CNTNAP2: variants seen among roughly 807,000 people sequenced by gnomAD.
CNTNAP2 encodes the protein contactin associated protein 2, also known as contactin-associated protein-like 2.
Under a neutral mutation model 155.2 loss-of-function variants are expected in CNTNAP2, and 98 were observed. The ratio of observed to expected loss-of-function variants is 0.63; its 90% CI spans 0.54 to 0.75. The LOEUF is 0.75. CNTNAP2 is among the 30% of genes least tolerant of loss of function. The pLI, the probability that CNTNAP2 is intolerant of heterozygous loss-of-function variation, is 0.00. For synonymous variants in CNTNAP2, 651 were observed against 631.2 expected (o/e 1.03, Z -0.47); for missense variants, 1,727 against 1,688.1 (o/e 1.02, Z -0.40).
intron 1 of CNTNAP2, among the ~76,000 whole-genome samples, chr7:146,189,122 A>C (rs1422050154): frequency 6.6e-6 from 1 of 152,202 alleles, no homozygotes; most frequent in Non-Finnish European, 1.5e-5. Context: ...TCAAAGAATG[A>C]GAAATGCTTC....
chr7:147,099,296 G>A (rs926117787), intron 4 of CNTNAP2, among the ~76,000 whole-genome samples: 3 of 152,150 alleles, frequency 2.0e-5, no homozygotes, highest in African/African-American at 7.2e-5. Context: ...TATTTGGAAA[G>A]TGTGCTTACC....
At chr7:146,286,369 T>C (rs1256753753) in intron 1 of CNTNAP2, among the ~76,000 whole-genome samples, 1 of 152,058 alleles carries the variant, frequency 6.6e-6, no homozygotes, top group Non-Finnish European at 1.5e-5. Flanking sequence ...AGTCCAATTG[T>C]TGGTGACCGT....
intron 3 of CNTNAP2, among the ~76,000 whole-genome samples, chr7:146,878,447 G>GTT (rs111411298): frequency 0.011 from 1,561 of 144,884 alleles, 27 homozygotes; most frequent in African/African-American, 0.037. Flanking sequence ...GTACTCTTGA[G>GTT]TTTTTTTTTT....
At chr7:146,983,586 T>A (rs1242772074) in intron 3 of CNTNAP2, among the ~76,000 whole-genome samples, 2 of 152,184 alleles carry the variant, frequency 1.3e-5, no homozygotes, top group Admixed American at 6.5e-5. Flanking sequence ...CATATTACAT[T>A]TGAATCTTCT....
At chr7:146,782,956 T>C (rs1270832810) in intron 2 of CNTNAP2, among the ~76,000 whole-genome samples, 1 of 152,176 alleles carries the variant, frequency 6.6e-6, no homozygotes, top group Non-Finnish European at 1.5e-5. Flanking sequence ...TATGTGTGTT[T>C]TCCCCCATTA....
At chr7:147,877,176 G>C (rs941587874) in intron 13 of CNTNAP2, among the ~76,000 whole-genome samples, 1 of 152,196 alleles carries the variant, frequency 6.6e-6, no homozygotes. Context: ...GAGTGAACCT[G>C]TTTGATTATT....
At chr7:146,608,063 A>G (rs1031476961) in intron 1 of CNTNAP2, among the ~76,000 whole-genome samples, 2 of 152,340 alleles carry the variant, frequency 1.3e-5, no homozygotes, top group Non-Finnish European at 1.5e-5. Context: ...TTTAAGCATT[A>G]TTAATATTTG....
At chr7:146,874,864 G>A (rs918749730) in intron 3 of CNTNAP2, among the ~76,000 whole-genome samples, 6 of 152,092 alleles carry the variant, frequency 3.9e-5, no homozygotes, top group African/African-American at 1.4e-4. Flanking sequence ...TTCCCAATTA[G>A]CGCTTTTGTT....
In CNTNAP2 at chr7:148,415,771, G is replaced by A. The variant is rs568799330; in HGVS notation, c.*155G>A. The A allele has an allele frequency of 1.1e-5, 8 of 759,798 alleles. No homozygotes were observed. The African/African-American group carries it at 1.1e-4, about 10-fold the overall frequency. The allele number at this position is 759,798 out of a possible 1,614,324, so 47.1% of individuals were successfully genotyped here. A position where few individuals can be genotyped will look rare whatever the true frequency, so the allele number is the denominator to read the frequency against. On this transcript the variant is annotated 3_prime_UTR_variant, in exon 24 of 24. Coordinates refer to ENST00000361727, the MANE Select transcript of CNTNAP2 (RefSeq NM_014141.6). ...ATGGAATATAATGGAATATTCTTGA[G>A]ACTGATCACAAAAAAAAAAACCTTT...
intron 6 of CNTNAP2, among the ~76,000 whole-genome samples, chr7:147,128,243 C>T (rs749500372): frequency 3.3e-5 from 5 of 152,042 alleles, no homozygotes; most frequent in Non-Finnish European, 5.9e-5. Context: ...AGGGTAAATA[C>T]GATATCCCTT....
chr7:147,687,429 G>T (rs568565177), intron 13 of CNTNAP2, among the ~76,000 whole-genome samples: 113 of 152,156 alleles, frequency 7.4e-4, no homozygotes, highest in Non-Finnish European at 1.5e-3. Context: ...TTTTCTTAAT[G>T]AAGTAAGAAG....
intron 18 of CNTNAP2, among the ~76,000 whole-genome samples, chr7:148,192,813 C>T (rs1795221629): frequency 6.6e-6 from 1 of 152,178 alleles, no homozygotes; most frequent in Non-Finnish European, 1.5e-5. Flanking sequence ...TCAGTTTCTT[C>T]ATCCTATTGC....
chr7:148,038,870 G>GGATA (rs199573267), intron 15 of CNTNAP2, among the ~76,000 whole-genome samples: 8 of 112,740 alleles, frequency 7.1e-5, no homozygotes, highest in East Asian at 2.5e-4. Context: ...ATGGATGGAT[G>GGATA]GATAGATAGA....
chr7:147,333,631 A>G (rs1186920196), intron 9 of CNTNAP2, among the ~76,000 whole-genome samples: 3 of 152,174 alleles, frequency 2.0e-5, no homozygotes, highest in African/African-American at 7.2e-5. Context: ...ACCTAGAAAT[A>G]AGTACATTGG....
rs547108179 is a variant in CNTNAP2, at chr7:147,318,870, G to T, written c.1498+18580G>T. On this transcript the variant is annotated intron_variant, in intron 9 of 23. Coordinates refer to ENST00000361727, the MANE Select transcript of CNTNAP2 (RefSeq NM_014141.6). ...GTATATATTTAAATTTTCAAAACAG[G>T]AGAAAAATGTTTACTTTAGAAAAGC... 2.2e-4 allele frequency among the ~76,000 whole-genome samples: 34 copies of T among 151,920 alleles called. 1 individual carries two copies. The highest frequency in any genetic ancestry group is 8.2e-4 in the African/African-American group (34 of 41,452).
At chr7:147,490,422 G>A (rs1798585785) in intron 11 of CNTNAP2, among the ~76,000 whole-genome samples, 1 of 152,150 alleles carries the variant, frequency 6.6e-6, no homozygotes, top group Non-Finnish European at 1.5e-5. Context: ...TGTAAATTGT[G>A]TTGCACCTTA....
chr7:148,336,324 GAAA>G (rs1325676480), intron 21 of CNTNAP2, among the ~76,000 whole-genome samples: 1 of 151,890 alleles, frequency 6.6e-6, no homozygotes, highest in Non-Finnish European at 1.5e-5. Flanking sequence ...TTCATCTAGA[GAAA>G]TATGGAAGGA....
intron 13 of CNTNAP2, among the ~76,000 whole-genome samples, chr7:147,758,415 T>A (rs1318881179): frequency 6.6e-6 from 1 of 152,178 alleles, no homozygotes; most frequent in Non-Finnish European, 1.5e-5. Context: ...TCCCCTAAGC[T>A]CTGGTTTAGT....
chr7:148,316,018 G>T (rs1797680885), intron 21 of CNTNAP2, among the ~76,000 whole-genome samples: 1 of 152,048 alleles, frequency 6.6e-6, no homozygotes, highest in African/African-American at 2.4e-5. Flanking sequence ...TCTCTCCTGA[G>T]CATCCTTCTT....
Sources: allele counts gnomAD v4.1 joint callset (sites outside exome capture counted in the v4.1 genomes callset), GRCh38; gene constraint gnomAD v4.1.1; transcripts MANE v1.5; gene names NCBI Gene and HGNC (gene_info 2026-07-23, HGNC 2026-07-21).